The following NUMB variants were observed in gnomAD, a reference collection of about 807,000 sequenced individuals.
The protein encoded by NUMB is NUMB endocytic adaptor protein.
In NUMB, 29 loss-of-function variants were observed where a neutral mutation model predicts 59.7. That is an observed-to-expected ratio of 0.49 (90% CI 0.36 to 0.66). The LOEUF (loss-of-function observed/expected upper bound fraction) is 0.66, where lower values mean the gene tolerates loss of function less well. NUMB is among the 30% of genes least tolerant of loss of function. NUMB has a pLI of 0.00. For synonymous variants in NUMB, 288 were observed against 288.2 expected (o/e 1.00, Z 0.01); for missense variants, 723 against 822.0 (o/e 0.88, Z 1.47).
chr14:73,388,886 A>T (rs1430973929), intron 2 of NUMB, among the ~76,000 whole-genome samples: 1 of 152,104 alleles, frequency 6.6e-6, no homozygotes, highest in African/African-American at 2.4e-5. Flanking sequence ...TCACGAGGTC[A>T]GGAGATCAAG....
chr14:73,437,053 TTTTTTTTTTG>T (rs1372073612), intron 1 of NUMB, among the ~76,000 whole-genome samples: 6 of 126,946 alleles, frequency 4.7e-5, no homozygotes, highest in South Asian at 2.3e-4. Context: ...TTTTTTTTTT[TTTTTTTTTTG>T]TTGAGACAGG....
At chr14:73,361,836 A>G (rs1006448924) in intron 3 of NUMB, among the ~76,000 whole-genome samples, 6 of 152,216 alleles carry the variant, frequency 3.9e-5, no homozygotes, top group Non-Finnish European at 8.8e-5. Context: ...GAGACAGAAA[A>G]GGGGCATTTC....
chr14:73,352,535 T>TG lies in NUMB; in HGVS notation c.126+3090_126+3091insC, dbSNP rs1400099126. On this transcript the variant is annotated intron_variant, in intron 4 of 12. Coordinates refer to ENST00000555238, the MANE Select transcript of NUMB (RefSeq NM_001005743.2). ...ATATATATATATATATATATGTTTT[T>TG]TTTTTTTTTTTTTTTTTGAGACAGA... is the stretch of plus-strand genomic sequence containing the variant. Among the ~76,000 whole-genome samples the TG allele has an allele frequency of 2.4e-4, 17 of 72,122 alleles. 1 individual carries two copies. The South Asian group carries it at 5.6e-3, about 24-fold the overall frequency. 47.3% of individuals were successfully genotyped at this position (72,122 alleles called of 152,430 possible). A position where few individuals can be genotyped will look rare whatever the true frequency, so the allele number is the denominator to read the frequency against.
At chr14:73,437,870 C>T (rs919947855) in intron 1 of NUMB, among the ~76,000 whole-genome samples, 9 of 151,482 alleles carry the variant, frequency 5.9e-5, no homozygotes, top group African/African-American at 2.2e-4. Flanking sequence ...CAGGGATCAC[C>T]CAAAAGAAAA....
chr14:73,422,583 C>T (rs1186983825), intron 1 of NUMB, among the ~76,000 whole-genome samples: 4 of 151,978 alleles, frequency 2.6e-5, no homozygotes, highest in Admixed American at 6.6e-5. Flanking sequence ...AAGCATGGCA[C>T]CAACATTTGC....
intron 1 of NUMB, among the ~76,000 whole-genome samples, chr14:73,436,688 T>C (rs1376110825): frequency 1.3e-5 from 2 of 151,906 alleles, no homozygotes; most frequent in Non-Finnish European, 2.9e-5. Context: ...GACACTCTTA[T>C]AGAAACTCTT....
At position 73,352,540 on chromosome 14, in the gene NUMB, T is replaced by G. The variant is rs866992781; in HGVS notation, c.126+3086A>C. Among the ~76,000 whole-genome samples the G allele has an allele frequency of 4.0e-3, 324 of 81,834 alleles. 12 individuals are homozygous for G. Among genetic ancestry groups the G allele is most frequent in the Non-Finnish European group, 6.7e-3 (260 of 39,060 alleles). 53.7% of individuals were successfully genotyped at this position (81,834 alleles called of 152,430 possible). ...TATATATATATATATGTTTTTTTTT[T>G]TTTTTTTTTTTTGAGACAGAGTCTC... On this transcript the variant is annotated intron_variant, in intron 4 of 12. Transcript: ENST00000555238.
intron 6 of NUMB, among the ~76,000 whole-genome samples, chr14:73,306,851 T>C (rs1226699722): frequency 6.6e-6 from 1 of 152,160 alleles, no homozygotes; most frequent in African/African-American, 2.4e-5. Context: ...TTCAAATATT[T>C]TGGAGCAGCT....
At position 73,378,165 on chromosome 14, in the gene NUMB, T is replaced by C. The variant is rs147458290; in HGVS notation, c.-100-11184A>G. Among the ~76,000 whole-genome samples the C allele has an allele frequency of 5.0e-4, 76 of 152,242 alleles. 1 individual carries two copies. The highest frequency in any genetic ancestry group is 1.0e-3 in the Non-Finnish European group (71 of 68,004). The stretch of plus-strand genomic sequence containing the variant: ...ATAAGCATATGAAAAGAAATTATCA[T>C]ATGTCATGAGGGAACTGCAAATTAA... On this transcript the variant is annotated intron_variant, in intron 2 of 12. Transcript: ENST00000555238.
In NUMB at chr14:73,281,102, G is replaced by A. The variant is rs543724232; in HGVS notation, c.1096+1257C>T. Among the ~76,000 whole-genome samples the A allele has an allele frequency of 2.6e-5, 4 of 152,242 alleles. No homozygotes were observed. In the South Asian group the frequency reaches 8.3e-4, roughly 32 times the overall value. On this transcript the variant is annotated intron_variant, in intron 11 of 12. Coordinates refer to ENST00000555238, the MANE Select transcript of NUMB (RefSeq NM_001005743.2). ...TGGGAGCCCTCTAAAGGCAGGGAAAGGAAACTGAAATATTCAATTTTGCAC... is the reference window on the plus strand; with the variant it reads ...TGGGAGCCCTCTAAAGGCAGGGAAAAGAAACTGAAATATTCAATTTTGCAC...
chr14:73,289,466 G>A (rs1480787107), intron 8 of NUMB, among the ~76,000 whole-genome samples: 2 of 152,168 alleles, frequency 1.3e-5, no homozygotes, highest in African/African-American at 4.8e-5. Flanking sequence ...CATTCACAGT[G>A]AGAAGAGATA....
intron 11 of NUMB, among the ~76,000 whole-genome samples, chr14:73,280,489 T>C (rs1566723575): frequency 6.6e-6 from 1 of 151,842 alleles, no homozygotes; most frequent in African/African-American, 2.4e-5. Flanking sequence ...ACAACATACC[T>C]ACTATTCTTT....
At chr14:73,343,559 T>C (rs1892750823) in intron 4 of NUMB, among the ~76,000 whole-genome samples, 1 of 152,230 alleles carries the variant, frequency 6.6e-6, no homozygotes, top group Admixed American at 6.5e-5. Context: ...CTCACAACTA[T>C]GGCTTGGGCA....
intron 3 of NUMB, among the ~76,000 whole-genome samples, chr14:73,358,602 C>CTT (rs35552161): frequency 3.4e-3 from 409 of 118,820 alleles, no homozygotes; most frequent in Middle Eastern, 5.8e-3. Context: ...GAAAGCTAGA[C>CTT]TTTTTTTTTT....
At chr14:73,319,312 A>G (rs931501411) in intron 5 of NUMB, among the ~76,000 whole-genome samples, 3 of 152,220 alleles carry the variant, frequency 2.0e-5, no homozygotes, top group African/African-American at 7.2e-5. Flanking sequence ...TTTTTAGTTC[A>G]AAGATTATTC....
chr14:73,337,977 T>A (rs964822423), intron 4 of NUMB, among the ~76,000 whole-genome samples: 1 of 152,152 alleles, frequency 6.6e-6, no homozygotes, highest in Non-Finnish European at 1.5e-5. Context: ...ACCCTTCCAA[T>A]TGCTCAAATC....
chr14:73,316,312 A>C lies in NUMB; in HGVS notation c.234+78T>G, dbSNP rs1304125503. ...ATTATAAAGAAACCAAAGCTGTACT[A>C]GTTTTAAAAAATATGTCAGTGCTAC... On this transcript the variant is annotated intron_variant, in intron 6 of 12. Transcript: ENST00000555238. 4 of 1,203,678 alleles carry C rather than the reference A, an allele frequency of 3.3e-6. No individual in the cohort carries two copies. The African/African-American group carries it at 6.0e-5, about 18-fold the overall frequency. 74.6% of individuals were successfully genotyped at this position (1,203,678 alleles called of 1,614,324 possible).
At chr14:73,303,342 G>A (rs890397991) in intron 6 of NUMB, among the ~76,000 whole-genome samples, 5 of 152,038 alleles carry the variant, frequency 3.3e-5, no homozygotes, top group Non-Finnish European at 5.9e-5. Flanking sequence ...CACTTTGGGA[G>A]GCCAGGGCCA....
rs1477092477 is a variant in NUMB, at chr14:73,292,774, C to A, written c.410G>T (p.Arg137Leu). 3.1e-6 allele frequency: 5 copies of A among 1,614,056 alleles called. No individual in the cohort carries two copies. The highest frequency in any genetic ancestry group is 4.2e-6 in the Non-Finnish European group (5 of 1,180,036). Residue 137 changes from arginine to leucine, a missense_variant, in exon 8 of 13, where the codon CGT becomes CTT. This residue lies in a region of NUMB where 317 missense variants were observed against 436.6 expected (regional missense o/e 0.73). Transcript: ENST00000555238. ...FSYICRDGTT[R>L]RWICHCFMAV... The stretch of plus-strand genomic sequence containing the variant: ...CATGAAGCAGTGACAGATCCAGCGA[C>A]GAGTGGTGCCATCACGGCATATGTA...
Sources: gnomAD v4.1 joint callset for allele counts (sites outside exome capture counted in the v4.1 genomes callset) on GRCh38, gnomAD v4.1.1 for gene constraint, gnomAD v4.1.1 regional missense constraint, MANE v1.5 for transcripts, NCBI Gene and HGNC (gene_info 2026-07-23, HGNC 2026-07-21) for gene names.